Variants in PDE1B observed in about 807,000 individuals in gnomAD.
PDE1B encodes dual specificity calcium/calmodulin-dependent 3',5'-cyclic nucleotide phosphodiesterase 1B.
A neutral mutation model predicts 66.7 loss-of-function variants in PDE1B; 13 were observed. That is an observed-to-expected ratio of 0.19 (90% CI 0.13 to 0.31). The LOEUF (loss-of-function observed/expected upper bound fraction) is 0.31, where lower values mean the gene tolerates loss of function less well. PDE1B is among the 10% of genes least tolerant of loss of function. The pLI, the probability that PDE1B is intolerant of heterozygous loss-of-function variation, is 1.00. For missense variants in PDE1B, 485 were observed against 682.3 expected, an observed-to-expected ratio of 0.71 and a Z score of 3.22; for synonymous variants, 230 against 253.9, an observed-to-expected ratio of 0.91 and a Z score of 0.90.
chr12:54,576,710 C>G lies in PDE1B; in HGVS notation c.1507+9C>G. The G allele has an allele frequency of 6.3e-7, 1 of 1,597,782 alleles. No homozygotes were observed. Among genetic ancestry groups the G allele is most frequent in the Non-Finnish European group, 8.5e-7 (1 of 1,171,492 alleles). ...GGAACGGGCAGCAAGTGGTGGGTAC[C>G]ATGGCAGAGGGCAGGGGTGAGAACT... is the stretch of plus-strand genomic sequence containing the variant. On this transcript the variant is annotated intron_variant, in intron 14 of 15. Coordinates refer to ENST00000243052, the MANE Select transcript of PDE1B (RefSeq NM_000924.4).
Position 54,575,176 on chromosome 12 carries a change from C to T in PDE1B, c.1143C>T (p.His381=), listed in dbSNP as rs1957710466. 1 of 1,611,752 alleles carries T rather than the reference C, an allele frequency of 6.2e-7. No individual in the cohort carries two copies. Reference sequence around the variant, plus strand: ...ACCCAACCAAGCAGTGGTTGGTCCACAGCCGTTGGACCAAGGCCCTCATGG... The same window carrying T: ...ACCCAACCAAGCAGTGGTTGGTCCATAGCCGTTGGACCAAGGCCCTCATGG... ...ISHPTKQWLV[H]SRWTKALMEE... The change falls in exon 11 of 16, where the codon CAC becomes CAT. Residue 381 remains histidine (H), a synonymous_variant. Transcript: ENST00000243052. The surrounding 1 kb of genome is among the most constrained non-coding windows in gnomAD (Gnocchi z 4.0).
chr12:54,573,851 C>G lies in PDE1B; in HGVS notation c.1064+142C>G. The G allele has an allele frequency of 1.7e-6, 1 of 589,594 alleles. No individual in the cohort carries two copies. The highest frequency in any genetic ancestry group is 3.0e-6 in the Non-Finnish European group (1 of 333,360). The allele number at this position is 589,594 out of a possible 1,614,324, so 36.5% of individuals were successfully genotyped here. ...TGGCTTCAGGTATCAGACTGCATCT[C>G]TATGTGAGAGAGAGAGAGAGTGTGT... On this transcript the variant is annotated intron_variant, in intron 10 of 15. Transcript: ENST00000243052. The surrounding 1 kb of genome is among the most constrained non-coding windows in gnomAD (Gnocchi z 5.2).
rs774810310 is a variant in PDE1B, at chr12:54,573,870, A to AGAGAGAGAGAGAGT, written c.1064+162_1064+163insAGAGAGAGAGAGTG. ...GCATCTCTATGTGAGAGAGAGAGAG[A>AGAGAGAGAGAGAGT]GTGTGTGTGTGTGTGTGTGTGTGTG... On this transcript the variant is annotated intron_variant, in intron 10 of 15. Coordinates refer to ENST00000243052, the MANE Select transcript of PDE1B (RefSeq NM_000924.4). The surrounding 1 kb of genome is among the most constrained non-coding windows in gnomAD (Gnocchi z 5.2). 46 of 502,100 alleles carry AGAGAGAGAGAGAGT rather than the reference A, an allele frequency of 9.2e-5. No individual in the cohort carries two copies. Among genetic ancestry groups the AGAGAGAGAGAGAGT allele is most frequent in the African/African-American group, 7.8e-4 (35 of 44,964 alleles). The allele number at this position is 502,100 out of a possible 1,614,324, so 31.1% of individuals were successfully genotyped here.
chr12:54,554,881 A>G (rs1296148714), intron 2 of PDE1B, among the ~76,000 whole-genome samples: 1 of 152,166 alleles, frequency 6.6e-6, no homozygotes, highest in Non-Finnish European at 1.5e-5. Flanking sequence ...ATCATGGGAG[A>G]GCTTGCTTTG....
chr12:54,573,425 T>C lies in PDE1B; in HGVS notation c.907T>C (p.Leu303=), dbSNP rs768753473. The C allele has an allele frequency of 4.3e-5, 69 of 1,614,060 alleles. No homozygotes were observed. The highest frequency in any genetic ancestry group is 1.6e-4 in the East Asian group (7 of 44,882). The change falls in exon 9 of 16, where the codon TTG becomes CTG. Residue 303 remains leucine, a synonymous_variant. Coordinates refer to ENST00000243052, the MANE Select transcript of PDE1B (RefSeq NM_000924.4). This position sits in a 1 kb window ranked among gnomAD's most constrained non-coding sequence, Gnocchi z 5.2. The part of the protein sequence containing the change: ...ENHHISSVFR[L]MQDDEMNIFI... ...TCACCACATCAGCTCTGTTTTCCGA[T>C]TGATGCAGGATGATGAGATGAACAT... is the stretch of plus-strand genomic sequence containing the variant.
intron 3 of PDE1B, among the ~76,000 whole-genome samples, chr12:54,567,509 AAAT>A (rs374198093): frequency 0.79 from 115,858 of 146,088 alleles, 45,903 homozygotes; most frequent in East Asian, 0.99. Flanking sequence ...GTCTCAAAAT[AAAT>A]AAATAAATAA....
At position 54,575,944 on chromosome 12, in the gene PDE1B, C is replaced by T; in HGVS notation, c.1268-48C>T. On this transcript the variant is annotated intron_variant, in intron 12 of 15. Transcript: ENST00000243052. This position sits in a 1 kb window ranked among gnomAD's most constrained non-coding sequence, Gnocchi z 4.0. ...TGCCAGCTGCATGCTCTGCCTAGCC[C>T]TCCAGATAATAGTAAGACATCTCTA... 1 of 1,332,234 alleles carries T rather than the reference C, an allele frequency of 7.5e-7. No individual in the cohort carries two copies. The highest frequency in any genetic ancestry group is 1.1e-6 in the Non-Finnish European group (1 of 923,818). The allele number at this position is 1,332,234 out of a possible 1,614,324, so 82.5% of individuals were successfully genotyped here.
At chr12:54,554,465 G>A (rs958468176) in intron 2 of PDE1B, 1 of 152,086 alleles carries the variant, frequency 6.6e-6, no homozygotes, top group African/African-American at 2.4e-5. Context: ...CTTCTCCCTC[G>A]GTTTCATACC....
chr12:54,558,493 C>T (rs963856222), intron 2 of PDE1B, among the ~76,000 whole-genome samples: 1 of 152,196 alleles, frequency 6.6e-6, no homozygotes, highest in Admixed American at 6.5e-5. Context: ...AATGCCCAGC[C>T]AGCTGCCAGA....
chr12:54,568,221 T>C (rs1957551508), intron 3 of PDE1B, among the ~76,000 whole-genome samples: 1 of 152,074 alleles, frequency 6.6e-6, no homozygotes, highest in African/African-American at 2.4e-5. Context: ...CCCAGCACTT[T>C]GGGAAGTTGA....
In PDE1B at chr12:54,573,363, G is replaced by A; in HGVS notation, c.845G>A (p.Cys282Tyr). 1 of 1,614,150 alleles carries A rather than the reference G, an allele frequency of 6.2e-7. No individual in the cohort carries two copies. Among genetic ancestry groups the A allele is most frequent in the South Asian group, 1.1e-5 (1 of 91,080 alleles). ...NSFHIQTKSE[C>Y]AIVYNDRSVL... ...GACCTTTGGCTTTGTAGGTCAGAATGTGCCATCGTGTACAATGATCGTTCA... is the reference window on the plus strand; with the variant it reads ...GACCTTTGGCTTTGTAGGTCAGAATATGCCATCGTGTACAATGATCGTTCA... Residue 282 changes from cysteine (C) to tyrosine (Y), a missense_variant, in exon 9 of 16, where the codon TGT (cysteine) becomes TAT (tyrosine). Physicochemically the swap from Cys to Tyr is radical, Grantham distance 194. Transcript: ENST00000243052. This position sits in a 1 kb window ranked among gnomAD's most constrained non-coding sequence, Gnocchi z 5.2.
rs1443882565 is a variant in PDE1B at position 54,566,989 on chromosome 12, G to A, written c.129G>A (p.Val43=). The A allele has an allele frequency of 6.2e-7, 1 of 1,610,102 alleles. No homozygotes were observed. The highest frequency in any genetic ancestry group is 8.5e-7 in the Non-Finnish European group (1 of 1,177,144). The change falls in exon 3 of 16, where the codon GTG becomes GTA. Residue 43 remains valine, a synonymous_variant. Transcript: ENST00000243052. ...IKLRSLLRYM[V]KQLENGEINI... ...CTCCCTGCAGGCTGCGCTACATGGT[G>A]AAGCAGTTGGAGAATGGGGAGATAA...
At chr12:54,557,545 G>A (rs2121046243) in intron 2 of PDE1B, among the ~76,000 whole-genome samples, 1 of 152,324 alleles carries the variant, frequency 6.6e-6, no homozygotes, top group Admixed American at 6.5e-5. Flanking sequence ...GGCTACAGAG[G>A]AGGAACAGAT....
chr12:54,549,737 A>C lies in PDE1B; in HGVS notation c.-49A>C. 3 of 647,558 alleles carry C rather than the reference A, an allele frequency of 4.6e-6. No homozygotes were observed. The highest frequency in any genetic ancestry group is 8.1e-6 in the Non-Finnish European group (3 of 369,500). 40.1% of individuals were successfully genotyped at this position (647,558 alleles called of 1,614,324 possible). A position where few individuals can be genotyped will look rare whatever the true frequency, so the allele number is the denominator to read the frequency against. ...AGCTCTGCCAGCTTGGGCCGAGCCT[A>C]GAGACACCGGCCTGGCTGGTCCACG... On this transcript the variant is annotated 5_prime_UTR_variant, in exon 1 of 16. Coordinates refer to ENST00000243052, the MANE Select transcript of PDE1B (RefSeq NM_000924.4).
At chr12:54,570,653 A>G (rs1365717215) in intron 6 of PDE1B, 1 of 334,192 alleles carries the variant, frequency 3.0e-6, no homozygotes, top group African/African-American at 2.1e-5. Context: ...GCTGACTTGC[A>G]GTGTGGACAC....
Position 54,575,752 on chromosome 12 carries a change from T to C in PDE1B, c.1267+120T>C. 1 of 839,046 alleles carries C rather than the reference T, an allele frequency of 1.2e-6. No individual in the cohort carries two copies. Among genetic ancestry groups the C allele is most frequent in the South Asian group, 1.4e-5 (1 of 70,714 alleles). 52.0% of individuals were successfully genotyped at this position (839,046 alleles called of 1,614,324 possible). On this transcript the variant is annotated intron_variant, in intron 12 of 15. Coordinates refer to ENST00000243052, the MANE Select transcript of PDE1B (RefSeq NM_000924.4). This position sits in a 1 kb window ranked among gnomAD's most constrained non-coding sequence, Gnocchi z 4.0. ...ATTCTTCCTGTAGAGGAAAGCCTAC[T>C]GTGCTAGAGCATGGGGTCCTGGGTT...
At chr12:54,576,167 C>A in intron 13 of PDE1B, 67 bp downstream of exon 13, 1 of 992,864 alleles carries the variant, frequency 1.0e-6, no homozygotes, top group Non-Finnish European at 1.6e-6. Context: ...GATTTGGACT[C>A]ACAGAGAGGA....
Position 54,572,760 on chromosome 12 carries a change from A to C in PDE1B, c.735+19A>C. The stretch of plus-strand genomic sequence containing the variant: ...GATGGTGGTAGGTGCCCTGGAGATG[A>C]TTCTTCTGTGATTCAGGGCCTATGG... On this transcript the variant is annotated intron_variant, in intron 7 of 15. Transcript: ENST00000243052. 1 of 1,612,164 alleles carries C rather than the reference A, an allele frequency of 6.2e-7. No individual in the cohort carries two copies. The highest frequency in any genetic ancestry group is 1.1e-5 in the South Asian group (1 of 91,014).
At chr12:54,551,184 T>G (rs909573812) in intron 2 of PDE1B, among the ~76,000 whole-genome samples, 1 of 152,226 alleles carries the variant, frequency 6.6e-6, no homozygotes, top group Non-Finnish European at 1.5e-5. Context: ...GGATAGATGC[T>G]TATGTTGTAT....
Sources: allele counts gnomAD v4.1 joint callset (sites outside exome capture counted in the v4.1 genomes callset), GRCh38; gene constraint gnomAD v4.1.1; non-coding constraint Gnocchi (gnomAD v3.1); transcripts MANE v1.5; gene names NCBI Gene and HGNC (gene_info 2026-07-23, HGNC 2026-07-21).